Variants in FRYL observed in about 807,000 individuals in gnomAD.
The protein encoded by FRYL is FRY like transcription coactivator, also known as protein furry homolog-like.
A neutral mutation model predicts 351.2 loss-of-function variants in FRYL; 150 were observed. The ratio of observed to expected loss-of-function variants is 0.43; its 90% confidence interval spans 0.37 to 0.49. The LOEUF is 0.49. FRYL is among the 20% of genes least tolerant of loss of function. The pLI, the probability that FRYL is intolerant of heterozygous loss-of-function variation, is 0.00. For missense variants in FRYL, 3,036 were observed against 3,619.3 expected (o/e 0.84, Z 4.13); for synonymous variants, 1,153 against 1,257.1 (o/e 0.92, Z 1.75).
At chr4:48,632,387 TAAGTA>T (rs1753395913) in intron 4 of FRYL, among the ~76,000 whole-genome samples, 1 of 150,216 alleles carries the variant, frequency 6.7e-6, no homozygotes, top group African/African-American at 2.4e-5. Flanking sequence ...GTATGCTGTT[TAAGTA>T]GACTAGTGTA....
chr4:48,603,170 T>G, intron 12 of FRYL, 120 bp downstream of exon 12: 1 of 737,578 alleles, frequency 1.4e-6, no homozygotes, highest in Non-Finnish European at 2.3e-6. Context: ...GCCCTTGTAT[T>G]GCACTTCAGG....
chr4:48,730,650 G>A (rs769929484), intron 1 of FRYL, among the ~76,000 whole-genome samples: 1 of 152,168 alleles, frequency 6.6e-6, no homozygotes, highest in Non-Finnish European at 1.5e-5. Context: ...AAGTGAAGGA[G>A]AAATAAAATC....
intron 1 of FRYL, among the ~76,000 whole-genome samples, chr4:48,774,030 G>T (rs886135070): frequency 1.3e-5 from 2 of 152,164 alleles, no homozygotes; most frequent in African/African-American, 4.8e-5. Flanking sequence ...GAGGGATCAA[G>T]TTACGCAGGA....
intron 25 of FRYL, 88 bp downstream of exon 25, chr4:48,575,029 C>T (rs1366631594): frequency 6.0e-6 from 8 of 1,334,640 alleles, no homozygotes; most frequent in Non-Finnish European, 7.3e-6. Flanking sequence ...CTGCTTGACC[C>T]TACCACACCT....
chr4:48,560,484 C>A (rs1198432670), intron 33 of FRYL, among the ~76,000 whole-genome samples: 3 of 152,122 alleles, frequency 2.0e-5, no homozygotes, highest in Non-Finnish European at 2.9e-5. Context: ...CCTGTACCAG[C>A]ACACATCCTA....
chr4:48,711,735 G>A (rs551873079), intron 1 of FRYL, among the ~76,000 whole-genome samples: 1 of 152,300 alleles, frequency 6.6e-6, no homozygotes, highest in African/African-American at 2.4e-5. Context: ...CATGCAGCTG[G>A]AGATCTGAGA....
At chr4:48,727,817 T>C (rs1560321747) in intron 1 of FRYL, among the ~76,000 whole-genome samples, 1 of 152,132 alleles carries the variant, frequency 6.6e-6, no homozygotes, top group Non-Finnish European at 1.5e-5. Flanking sequence ...TAGCCTTCCA[T>C]GTGGAGGAAA....
chr4:48,737,270 A>AC (rs1487711841), intron 1 of FRYL, among the ~76,000 whole-genome samples: 1 of 151,726 alleles, frequency 6.6e-6, no homozygotes, highest in African/African-American at 2.4e-5. Context: ...AAAAAAAAAA[A>AC]AAAAAAAGAG....
At chr4:48,713,335 A>G (rs1377999574) in intron 1 of FRYL, among the ~76,000 whole-genome samples, 1 of 152,204 alleles carries the variant, frequency 6.6e-6, no homozygotes, top group Non-Finnish European at 1.5e-5. Context: ...CAAATTGCAT[A>G]AAGAGTCACG....
Position 48,595,694 on chromosome 4 carries a change from G to C in FRYL, c.1144C>G (p.Leu382Val). 6.2e-7 allele frequency: 1 copy of C among 1,603,360 alleles called. No homozygotes were observed. Among genetic ancestry groups the C allele is most frequent in the Non-Finnish European group, 8.5e-7 (1 of 1,172,662 alleles). Residue 382 changes from leucine (L) to valine (V), a missense_variant, in exon 15 of 64, where the codon CTT (leucine) becomes GTT (valine). By Grantham distance (32) the Leu-to-Val change is conservative. This residue lies in a region of FRYL where 457 missense variants were observed against 566.6 expected (regional missense o/e 0.81). Coordinates refer to ENST00000358350, the MANE Select transcript of FRYL (RefSeq NM_015030.2). ...AAAAGTGCTGACACTATGCTCATAA[G>C]ACGACTACAGGGAAAAAGATCTAGT... ...CESNTVTQSR[L>V]MSIVSALFPK...
At chr4:48,563,906 A>G in intron 31 of FRYL, 42 bp downstream of exon 31, 1 of 1,578,868 alleles carries the variant, frequency 6.3e-7, no homozygotes, top group Admixed American at 2.0e-5. Context: ...TTTCTTTAAG[A>G]AAACAGAACA....
At chr4:48,758,928 G>A (rs1243002079) in intron 1 of FRYL, among the ~76,000 whole-genome samples, 1 of 152,146 alleles carries the variant, frequency 6.6e-6, no homozygotes, top group Non-Finnish European at 1.5e-5. Context: ...CATGTCCTTT[G>A]TAGGGACATG....
chr4:48,633,113 G>A (rs1167150315), intron 4 of FRYL, among the ~76,000 whole-genome samples: 3 of 151,786 alleles, frequency 2.0e-5, no homozygotes, highest in Non-Finnish European at 4.4e-5. Context: ...ATCCCACATC[G>A]AACCTACACT....
chr4:48,679,178 AG>A, intron 3 of FRYL, among the ~76,000 whole-genome samples: 1 of 152,316 alleles, frequency 6.6e-6, no homozygotes, highest in East Asian at 1.9e-4. Context: ...TAAAATTATG[AG>A]ATGCCAACCC....
At chr4:48,551,651 A>T (rs1732771869) in intron 36 of FRYL, 73 bp from the exon 37 acceptor site, 1 of 894,320 alleles carries the variant, frequency 1.1e-6, no homozygotes, top group South Asian at 1.6e-5. Context: ...AAAGATCTCA[A>T]ATTATAGATA....
intron 47 of FRYL, among the ~76,000 whole-genome samples, chr4:48,536,706 A>T (rs966886523): frequency 6.6e-6 from 1 of 152,318 alleles, no homozygotes; most frequent in Middle Eastern, 3.4e-3. Context: ...TTCTGCTTTT[A>T]GTTTTCCTTT....
At chr4:48,623,025 T>C (rs905837520) in intron 5 of FRYL, 101 bp downstream of exon 5, 11 of 713,038 alleles carry the variant, frequency 1.5e-5, no homozygotes, top group East Asian at 8.7e-5. Flanking sequence ...CAAGGATATA[T>C]AGAAATTAAG....
At chr4:48,665,154 G>A (rs1166266030) in intron 3 of FRYL, among the ~76,000 whole-genome samples, 1 of 152,124 alleles carries the variant, frequency 6.6e-6, no homozygotes, top group Non-Finnish European at 1.5e-5. Context: ...TAAGCCATAA[G>A]GTACAATTAC....
At chr4:48,554,574 G>C (rs527906644) in intron 35 of FRYL, among the ~76,000 whole-genome samples, 29 of 152,232 alleles carry the variant, frequency 1.9e-4, no homozygotes, top group Non-Finnish European at 4.3e-4. Context: ...CCTGACCTCA[G>C]GTGATCCTCC....
Sources: allele counts gnomAD v4.1 joint callset (sites outside exome capture counted in the v4.1 genomes callset), GRCh38; gene constraint gnomAD v4.1.1; regional missense constraint gnomAD v4.1.1; transcripts MANE v1.5; gene names NCBI Gene and HGNC (gene_info 2026-07-23, HGNC 2026-07-21).